The following CACNA2D1 variants were observed in gnomAD, a reference collection of about 807,000 sequenced individuals.
The protein encoded by CACNA2D1 is calcium voltage-gated channel auxiliary subunit alpha2delta 1, also known as voltage-dependent calcium channel subunit alpha-2/delta-1.
Under a neutral mutation model 171.5 loss-of-function variants are expected in CACNA2D1, and 53 were observed. The observed-to-expected ratio is 0.31, with a 90% CI of 0.25 to 0.39. CACNA2D1 has a LOEUF of 0.39. Ranked by LOEUF, CACNA2D1 falls within the 10% of genes least tolerant of loss-of-function variation. The pLI is 1.00. For missense variants in CACNA2D1, 903 were observed against 1,299.8 expected, an observed-to-expected ratio of 0.69 and a Z score of 4.69; for synonymous variants, 442 against 443.1, an observed-to-expected ratio of 1.00 and a Z score of 0.03.
At chr7:82,158,483 A>G (rs1794600376) in intron 4 of CACNA2D1, among the ~76,000 whole-genome samples, 2 of 151,956 alleles carry the variant, frequency 1.3e-5, no homozygotes, top group Non-Finnish European at 2.9e-5. Context: ...GTTAAAAAAA[A>G]AAAGAAAGTA....
intron 1 of CACNA2D1, among the ~76,000 whole-genome samples, chr7:82,407,851 T>C (rs1321441811): frequency 6.6e-6 from 1 of 152,066 alleles, no homozygotes; most frequent in African/African-American, 2.4e-5. Flanking sequence ...CTATCCCTGA[T>C]AGATTAGGGA....
chr7:82,074,498 G>A (rs1362402574), intron 7 of CACNA2D1, among the ~76,000 whole-genome samples: 1 of 152,102 alleles, frequency 6.6e-6, no homozygotes, highest in Non-Finnish European at 1.5e-5. Flanking sequence ...AAACTGCTGG[G>A]ATTACAGGCA....
intron 1 of CACNA2D1, among the ~76,000 whole-genome samples, chr7:82,442,155 C>T (rs983012050): frequency 1.4e-4 from 21 of 152,292 alleles, no homozygotes; most frequent in Non-Finnish European, 2.6e-4. Flanking sequence ...CTTGCACTGA[C>T]ACCTAAGGTA....
chr7:82,101,219 T>C (rs1159434112), intron 6 of CACNA2D1, among the ~76,000 whole-genome samples: 1 of 152,128 alleles, frequency 6.6e-6, no homozygotes, highest in African/African-American at 2.4e-5. Context: ...CCAACAGAAT[T>C]TGAAGTTTGG....
chr7:81,982,071 G>A (rs1584279365), intron 24 of CACNA2D1, among the ~76,000 whole-genome samples: 1 of 152,072 alleles, frequency 6.6e-6, no homozygotes, highest in African/African-American at 2.4e-5. Flanking sequence ...TTCTACAAGA[G>A]CAAAGCCTAT....
chr7:82,056,102 AC>A (rs748560270), intron 10 of CACNA2D1, among the ~76,000 whole-genome samples: 7 of 150,500 alleles, frequency 4.7e-5, no homozygotes, highest in Non-Finnish European at 7.4e-5. Context: ...AAGATATTTA[AC>A]AAAAGAGTTG....
intron 1 of CACNA2D1, among the ~76,000 whole-genome samples, chr7:82,355,369 T>G (rs144764553): frequency 6.6e-6 from 1 of 152,136 alleles, no homozygotes; most frequent in African/African-American, 2.4e-5. Flanking sequence ...ATTTTTCAAA[T>G]ATGCAGTGGC....
At position 82,083,151 on chromosome 7, in the gene CACNA2D1, T is replaced by C. The variant is rs143614636; in HGVS notation, c.658+1618A>G. On this transcript the variant is annotated intron_variant, in intron 7 of 38. Transcript: ENST00000356860. Reference sequence around the variant, plus strand: ...TATCATCCTAATTTTCTTTTAATTATCATTTCCCTCTTTCCCTTACTTATA... The same window carrying C: ...TATCATCCTAATTTTCTTTTAATTACCATTTCCCTCTTTCCCTTACTTATA... Among the ~76,000 whole-genome samples, 23 of 152,058 alleles carry C rather than the reference T, an allele frequency of 1.5e-4. No homozygotes were observed. The East Asian group carries it at 4.5e-3, about 30-fold the overall frequency.
intron 3 of CACNA2D1, among the ~76,000 whole-genome samples, chr7:82,275,616 T>C (rs923766589): frequency 6.6e-6 from 1 of 152,088 alleles, no homozygotes; most frequent in African/African-American, 2.4e-5. Flanking sequence ...GGCTTTACAC[T>C]GTCATTTCCA....
Position 82,117,276 on chromosome 7 carries a change from TCTA to T in CACNA2D1, c.397-106_397-104del. 3 of 1,133,042 alleles carry T rather than the reference TCTA, an allele frequency of 2.6e-6. 1 individual carries two copies. The Admixed American group carries it at 5.9e-5, about 22-fold the overall frequency. 70.2% of individuals were successfully genotyped at this position (1,133,042 alleles called of 1,614,324 possible). On this transcript the variant is annotated intron_variant, in intron 5 of 38. Transcript: ENST00000356860. ...AAATGCATATTTTTCAAAAAATAAA[TCTA>T]CAACAATTGTTTAAAATATAGTACC...
At chr7:82,015,053 AAAAAAAG>A (rs1247742771) in intron 12 of CACNA2D1, among the ~76,000 whole-genome samples, 2 of 152,092 alleles carry the variant, frequency 1.3e-5, no homozygotes, top group African/African-American at 2.4e-5. Context: ...ACTCCATTTC[AAAAAAAG>A]AAAAAAGAAA....
At position 82,012,595 on chromosome 7, in the gene CACNA2D1, G is replaced by A. The variant is rs183372197; in HGVS notation, c.1273-352C>T. Among the ~76,000 whole-genome samples the A allele has an allele frequency of 4.7e-4, 72 of 152,148 alleles. No homozygotes were observed. The East Asian group carries it at 0.013, about 27-fold the overall frequency. On this transcript the variant is annotated intron_variant, in intron 14 of 38. Coordinates refer to ENST00000356860, the MANE Select transcript of CACNA2D1 (RefSeq NM_000722.4). ...TATTTAAGGCTCTGTGATTTACTGC[G>A]TGGAATTGCACAAATTTAAAATCAT...
intron 3 of CACNA2D1, among the ~76,000 whole-genome samples, chr7:82,179,783 G>A (rs550724007): frequency 6.6e-6 from 1 of 151,954 alleles, no homozygotes; most frequent in East Asian, 1.9e-4. Flanking sequence ...GTATTATAAG[G>A]GGTAAGTATG....
intron 7 of CACNA2D1, among the ~76,000 whole-genome samples, chr7:82,072,758 C>G (rs913132113): frequency 1.3e-5 from 2 of 151,878 alleles, no homozygotes; most frequent in Non-Finnish European, 2.9e-5. Context: ...CTGGATTTTT[C>G]ACTGGGTGCA....
chr7:82,236,892 C>T (rs751846553), intron 3 of CACNA2D1, among the ~76,000 whole-genome samples: 2 of 151,832 alleles, frequency 1.3e-5, no homozygotes, highest in Non-Finnish European at 2.9e-5. Flanking sequence ...TGTATGAAGA[C>T]TGAAATAAAA....
chr7:82,151,252 G>C (rs1291559390), intron 4 of CACNA2D1, among the ~76,000 whole-genome samples: 3 of 152,086 alleles, frequency 2.0e-5, no homozygotes, highest in Non-Finnish European at 4.4e-5. Flanking sequence ...TTTCATAGGA[G>C]TTATTTTAAT....
chr7:81,956,216 C>G (rs62463623), intron 38 of CACNA2D1, among the ~76,000 whole-genome samples: 23,974 of 151,430 alleles, frequency 0.16, 2,225 homozygotes, highest in East Asian at 0.32. Context: ...TCAGGTGATG[C>G]ACCCACCTCG....
At chr7:82,016,697 C>A (rs11984173) in intron 12 of CACNA2D1, among the ~76,000 whole-genome samples, 23,864 of 148,056 alleles carry the variant, frequency 0.16, 2,015 homozygotes, top group Middle Eastern at 0.3. Flanking sequence ...CTTACATGGA[C>A]CCCTCAGAGG....
chr7:82,001,934 C>G (rs1402072602), intron 18 of CACNA2D1, among the ~76,000 whole-genome samples: 4 of 136,668 alleles, frequency 2.9e-5, no homozygotes, highest in Non-Finnish European at 6.1e-5. Flanking sequence ...AGAAAAATGA[C>G]TATTATTTTT....
Sources: gnomAD v4.1 joint callset for allele counts (sites outside exome capture counted in the v4.1 genomes callset) on GRCh38, gnomAD v4.1.1 for gene constraint, MANE v1.5 for transcripts, NCBI Gene and HGNC (gene_info 2026-07-23, HGNC 2026-07-21) for gene names.